Variants in SLC51A observed in about 807,000 individuals in gnomAD.
The protein encoded by SLC51A is organic solute transporter subunit alpha.
Under a neutral mutation model 34.8 loss-of-function variants are expected in SLC51A, and 22 were observed. The ratio of observed to expected loss-of-function variants is 0.63; its 90% CI spans 0.45 to 0.90. The LOEUF is 0.90. SLC51A is among the 40% of genes least tolerant of loss of function. SLC51A has a pLI of 0.00. For missense variants in SLC51A, 371 were observed against 414.8 expected (o/e 0.89, Z 0.92); for synonymous variants, 181 against 176.3 (o/e 1.03, Z -0.21).
In SLC51A at chr3:196,217,731, T is replaced by C. The variant is rs1452918632; in HGVS notation, c.39-111T>C. The C allele has an allele frequency of 5.4e-6, 4 of 740,742 alleles. No homozygotes were observed. In the East Asian group the frequency reaches 8.2e-5, roughly 15 times the overall value. 45.9% of individuals were successfully genotyped at this position (740,742 alleles called of 1,614,324 possible). A position where few individuals can be genotyped will look rare whatever the true frequency, so the allele number is the denominator to read the frequency against. On this transcript the variant is annotated intron_variant, in intron 1 of 8. Coordinates refer to ENST00000296327, the MANE Select transcript of SLC51A (RefSeq NM_152672.6). ...GAAAGAAAGAGAGAGAAAGAGGCCC[T>C]GAGGGGAAATGGACAAAGTCCTGCA...
rs1647826903 is a variant in SLC51A at position 196,228,202 on chromosome 3, C to T, written c.450C>T (p.Asp150=). 2 of 1,613,934 alleles carry T rather than the reference C, an allele frequency of 1.2e-6. No homozygotes were observed. Among genetic ancestry groups the T allele is most frequent in the South Asian group, 2.2e-5 (2 of 91,090 alleles). Reference sequence around the variant, plus strand: ...AGGCAGTGCTGAGGACGCTGAGGGACACCCCGATGATGGTCCACACAGGCC... The same window carrying T: ...AGGCAGTGCTGAGGACGCTGAGGGATACCCCGATGATGGTCCACACAGGCC... ...GKEAVLRTLR[D]TPMMVHTGPC... The change falls in exon 5 of 9, where the codon GAC becomes GAT. Residue 150 remains aspartate (D), a synonymous_variant. Transcript: ENST00000296327. The surrounding 1 kb of genome is among the most constrained non-coding windows in gnomAD (Gnocchi z 4.9).
chr3:196,225,489 G>A (rs960763144), intron 2 of SLC51A, among the ~76,000 whole-genome samples: 4 of 152,200 alleles, frequency 2.6e-5, no homozygotes, highest in Admixed American at 1.3e-4. Context: ...TCCCTTCCTC[G>A]TGCTCACCCC....
At chr3:196,223,377 C>T (rs1723813964) in intron 2 of SLC51A, among the ~76,000 whole-genome samples, 1 of 151,860 alleles carries the variant, frequency 6.6e-6, no homozygotes, top group Non-Finnish European at 1.5e-5. Context: ...AGGTGGAGAG[C>T]CGAGAATAAG....
intron 1 of SLC51A, 39 bp from the exon 2 acceptor site, chr3:196,217,803 A>G (rs775335881): frequency 6.3e-7 from 1 of 1,589,232 alleles, no homozygotes; most frequent in African/African-American, 1.3e-5. Context: ...CCCTTCCCCC[A>G]GCCCCCATGG....
chr3:196,221,631 G>A (rs563378671), intron 2 of SLC51A, among the ~76,000 whole-genome samples: 1 of 152,036 alleles, frequency 6.6e-6, no homozygotes, highest in African/African-American at 2.4e-5. Flanking sequence ...TTAAGGAGAG[G>A]ATAAGTAACC....
At chr3:196,232,370 C>A in intron 7 of SLC51A, 49 bp from the exon 8 acceptor site, 1 of 1,475,800 alleles carries the variant, frequency 6.8e-7, no homozygotes, top group Non-Finnish European at 9.5e-7. Flanking sequence ...GCGTTCTGTG[C>A]CGTGAGGGCA....
chr3:196,227,996 C>A, intron 4 of SLC51A, 119 bp from the exon 5 acceptor site: 1 of 1,372,978 alleles, frequency 7.3e-7, no homozygotes, highest in Non-Finnish European at 1.0e-6. Flanking sequence ...CCTCGCCCCT[C>A]TTGGGTCACA....
At position 196,227,047 on chromosome 3, in the gene SLC51A, C is replaced by T. The variant is rs762228183; in HGVS notation, c.216C>T (p.Ala72=). 21 of 1,613,982 alleles carry T rather than the reference C, an allele frequency of 1.3e-5. No individual in the cohort carries two copies. Among genetic ancestry groups the T allele is most frequent in the Admixed American group, 1.7e-5 (1 of 59,996 alleles). ...LGSIAIFLED[A]VYLYKNTLCP... is the part of the protein sequence containing the mutation. ...CCATTGCCATCTTCCTGGAGGATGCCGTCTACCTGTACAAGAACACCCTTT... is the reference window on the plus strand; with the variant it reads ...CCATTGCCATCTTCCTGGAGGATGCTGTCTACCTGTACAAGAACACCCTTT... Residue 72 remains alanine (A), a synonymous_variant, in exon 3 of 9, where the codon GCC becomes GCT. Coordinates refer to ENST00000296327, the MANE Select transcript of SLC51A (RefSeq NM_152672.6).
At chr3:196,219,151 G>C (rs1350828445) in intron 2 of SLC51A, among the ~76,000 whole-genome samples, 1 of 152,192 alleles carries the variant, frequency 6.6e-6, no homozygotes, top group Non-Finnish European at 1.5e-5. Flanking sequence ...GCTTGAACTC[G>C]GGAGGCGGAG....
At position 196,228,942 on chromosome 3, in the gene SLC51A, G is replaced by A; in HGVS notation, c.633+22G>A. 1 of 1,567,828 alleles carries A rather than the reference G, an allele frequency of 6.4e-7. No individual in the cohort carries two copies. Among genetic ancestry groups the A allele is most frequent in the Non-Finnish European group, 8.8e-7 (1 of 1,137,596 alleles). The stretch of plus-strand genomic sequence containing the variant: ...AGACGTAAGCCGGGAGTAAGGGACA[G>A]CACAGTCCAAGACTCATTTAGTACC... On this transcript the variant is annotated intron_variant, in intron 6 of 8. Coordinates refer to ENST00000296327, the MANE Select transcript of SLC51A (RefSeq NM_152672.6). The surrounding 1 kb of genome is among the most constrained non-coding windows in gnomAD (Gnocchi z 4.9).
Position 196,228,848 on chromosome 3 carries a change from C to A in SLC51A, c.561C>A (p.Tyr187Ter), listed in dbSNP as rs769301144. Residue 187 changes from tyrosine to a stop codon, truncating the protein, a stop_gained, in exon 6 of 9, where the codon TAC (tyrosine) becomes TAA (stop). Transcript: ENST00000296327. LOFTEE classifies it high-confidence loss of function. This position sits in a 1 kb window ranked among gnomAD's most constrained non-coding sequence, Gnocchi z 4.9. Reference sequence around the variant, plus strand: ...TGCTGATGTTGGGCCCTTTCCAATACGCCTTCTTGAAGATAACGCTGACCC... The same window carrying A: ...TGCTGATGTTGGGCCCTTTCCAATAAGCCTTCTTGAAGATAACGCTGACCC... ...LQLLMLGPFQ[Y>*]AFLKITLTLV... 8 of 1,614,056 alleles carry A rather than the reference C, an allele frequency of 5.0e-6. No individual in the cohort carries two copies. The highest frequency in any genetic ancestry group is 6.8e-6 in the Non-Finnish European group (8 of 1,180,042).
At chr3:196,229,725 G>A in intron 6 of SLC51A, 190 bp from the exon 7 acceptor site, 1 of 470,442 alleles carries the variant, frequency 2.1e-6, no homozygotes. Context: ...ATGGTGGTGT[G>A]CACCTGTAGT....
At chr3:196,217,958 A>C in intron 2 of SLC51A, 22 bp downstream of exon 2, 1 of 1,601,590 alleles carries the variant, frequency 6.2e-7, no homozygotes, top group Non-Finnish European at 8.5e-7. Context: ...CCCTCCTCAG[A>C]GGGAACTGAG....
At chr3:196,232,111 T>C (rs1396168805) in intron 7 of SLC51A, among the ~76,000 whole-genome samples, 1 of 152,230 alleles carries the variant, frequency 6.6e-6, no homozygotes, top group African/African-American at 2.4e-5. Flanking sequence ...CCCATCTCTT[T>C]ATCCATTGAG....
At chr3:196,218,951 A>T (rs753272036) in intron 2 of SLC51A, among the ~76,000 whole-genome samples, 1 of 151,950 alleles carries the variant, frequency 6.6e-6, no homozygotes, top group Non-Finnish European at 1.5e-5. Context: ...ATTGGCTGGG[A>T]GCGGTGGCTC....
At chr3:196,229,418 G>A (rs1157289039) in intron 6 of SLC51A, among the ~76,000 whole-genome samples, 6 of 135,004 alleles carry the variant, frequency 4.4e-5, no homozygotes, top group Non-Finnish European at 7.8e-5. Flanking sequence ...CTCTTTTGTC[G>A]CCCAGGCTGG....
chr3:196,231,916 A>C (rs1000915693), intron 7 of SLC51A, among the ~76,000 whole-genome samples: 1 of 152,114 alleles, frequency 6.6e-6, no homozygotes, highest in Non-Finnish European at 1.5e-5. Flanking sequence ...GTACATTCCC[A>C]TAGTTGCACT....
intron 2 of SLC51A, among the ~76,000 whole-genome samples, chr3:196,218,214 C>G (rs560152766): frequency 7.5e-4 from 115 of 152,324 alleles, no homozygotes; most frequent in African/African-American, 2.6e-3. Context: ...GACACTGCGA[C>G]CTGGGGCGCT....
intron 1 of SLC51A, among the ~76,000 whole-genome samples, chr3:196,217,517 G>A (rs1168478875): frequency 6.6e-6 from 1 of 150,788 alleles, no homozygotes; most frequent in African/African-American, 2.4e-5. Flanking sequence ...ACTCCAGCCT[G>A]GACAACAGAG....
Sources: allele counts gnomAD v4.1 joint callset (sites outside exome capture counted in the v4.1 genomes callset), GRCh38; gene constraint gnomAD v4.1.1; non-coding constraint Gnocchi (gnomAD v3.1); transcripts MANE v1.5; gene names NCBI Gene and HGNC (gene_info 2026-07-23, HGNC 2026-07-21).